The following PIDD1 variants were observed in gnomAD, a reference collection of about 807,000 sequenced individuals.
PIDD1 encodes p53-induced death domain protein 1, also known as p53-induced death domain-containing protein 1.
PIDD1 carries 72 observed loss-of-function variants against 80.0 expected under a neutral mutation model. That is an observed-to-expected ratio of 0.90 (90% CI 0.74 to 1.09). The LOEUF (loss-of-function observed/expected upper bound fraction) is 1.09. Ranked by LOEUF, PIDD1 falls within the 50% of genes least tolerant of loss-of-function variation. The pLI, the probability that PIDD1 is intolerant of heterozygous loss-of-function variation, is 0.00. For synonymous variants in PIDD1, 655 were observed against 543.5 expected (o/e 1.21, Z -2.85); for missense variants, 1,329 against 1,228.3 (o/e 1.08, Z -1.23).
At position 799,803 on chromosome 11, in the gene PIDD1, T is replaced by C. The variant is rs1188651842; in HGVS notation, c.2474+12A>G. On this transcript the variant is annotated intron_variant, in intron 15 of 15. Coordinates refer to ENST00000347755, the MANE Select transcript of PIDD1 (RefSeq NM_145886.4). ...CCTGGGGCTGGCAGCCAGCGGGCAG[T>C]GGGAGCCTCACCGGAACTCGTGCCG... 1 of 1,549,538 alleles carries C rather than the reference T, an allele frequency of 6.5e-7. No homozygotes were observed. The highest frequency in any genetic ancestry group is 8.7e-7 in the Non-Finnish European group (1 of 1,148,206).
intron 12 of PIDD1, 39 bp from the exon 13 acceptor site, chr11:800,490 G>A: frequency 3.1e-6 from 5 of 1,610,220 alleles, no homozygotes; most frequent in Non-Finnish European, 4.2e-6. Flanking sequence ...AGGGCTCGGG[G>A]AGGACGGTAA....
At chr11:805,448 CTGTTAGTCCGCGGGGTCGG>C (rs1187288590), upstream of PIDD1, among the ~76,000 whole-genome samples, 1 of 152,340 alleles carries the variant, frequency 6.6e-6, no homozygotes, top group Non-Finnish European at 1.5e-5. Context: ...GCTCGGCTTC[CTGTTAGTCCGCGGGGTCGG>C]AGCCGTACAG....
Position 801,103 on chromosome 11 carries a change from A to G in PIDD1, c.1648T>C (p.Ser550Pro), listed in dbSNP as rs1043857117. 6.4e-7 allele frequency: 1 copy of G among 1,571,882 alleles called. No homozygotes were observed. The highest frequency in any genetic ancestry group is 8.6e-7 in the Non-Finnish European group (1 of 1,156,730). The change falls in exon 10 of 16, where the codon TCC becomes CCC. Residue 550 changes from serine (S) to proline (P), a missense_variant. Coordinates refer to ENST00000347755, the MANE Select transcript of PIDD1 (RefSeq NM_145886.4). ...GCCCAGTACAACAGGTGCAGGCGGG[A>G]GCGGTCCAGACTGAGGCCTGGGGAT... ...SGITGLSLDRSRLHLLYWAPP... is the reference protein window; with the variant it reads ...SGITGLSLDRPRLHLLYWAPP...
chr11:802,464 G>C (rs777647178), intron 5 of PIDD1, 68 bp from the exon 6 acceptor site: 46 of 1,596,516 alleles, frequency 2.9e-5, no homozygotes, highest in Non-Finnish European at 3.9e-5. Context: ...CTGGACCCAG[G>C]AACTCTGGAG....
At chr11:803,016 C>A (rs773870824) in intron 3 of PIDD1, 125 bp from the exon 4 acceptor site, 7 of 1,029,874 alleles carry the variant, frequency 6.8e-6, no homozygotes, top group Non-Finnish European at 9.9e-6. Flanking sequence ...AGAACTCTGA[C>A]AAAGCCACTG....
chr11:806,645 T>C (rs1865785415), upstream of PIDD1, among the ~76,000 whole-genome samples: 1 of 151,690 alleles, frequency 6.6e-6, no homozygotes, highest in African/African-American at 2.4e-5. Flanking sequence ...TGCAGTGGCG[T>C]GATCTCGGCT....
chr11:800,188 G>GGCAGCC lies in PIDD1; in HGVS notation c.2211_2216dup (p.Ala738_Ala739dup). Reference sequence around the variant, plus strand: ...GGGCGTCTGCGCCCTTCCTCTGCCGGGCAGCCTCAGCCTCCTCGGGCACCC... The same window carrying GGCAGCC: ...GGGCGTCTGCGCCCTTCCTCTGCCGGGCAGCCGCAGCCTCAGCCTCCTCGGGCACCC... On this transcript the variant is annotated inframe_insertion, in exon 14 of 16. Coordinates refer to ENST00000347755, the MANE Select transcript of PIDD1 (RefSeq NM_145886.4). The GGCAGCC allele has an allele frequency of 6.2e-7, 1 of 1,610,930 alleles. No homozygotes were observed. Among genetic ancestry groups the GGCAGCC allele is most frequent in the East Asian group, 2.2e-5 (1 of 44,866 alleles).
chr11:802,024 TCCTGACCACCACTTCACGGCAGCGCCGGG>T lies in PIDD1; in HGVS notation c.1214_1242del (p.Ala405AspfsTer4). ...TCACCCCAGCTGTTGTCATTCCGGG[TCCTGACCACCACTTCACGGCAGCGCCGGG>T]CCTGCGGTGGGGTGAAGAGCAGCCA... On this transcript the variant is annotated frameshift_variant, in exon 7 of 16. Coordinates refer to ENST00000347755, the MANE Select transcript of PIDD1 (RefSeq NM_145886.4). LOFTEE classifies it high-confidence loss of function. The T allele has an allele frequency of 6.2e-7, 1 of 1,601,948 alleles. No homozygotes were observed.
In PIDD1 at chr11:799,942, C is replaced by T. The variant is rs768924293; in HGVS notation, c.2347G>A (p.Glu783Lys). Residue 783 changes from glutamate (E) to lysine (K), a missense_variant, in exon 15 of 16, where the codon GAG (glutamate) becomes AAG (lysine). Coordinates refer to ENST00000347755, the MANE Select transcript of PIDD1 (RefSeq NM_145886.4). ...TTGCTCTGCGTCAGAAAGCCGGTCT[C>T]GGCATCTCCCAGATTCAAGGGTGCC... ...SLAPLNLGDA[E>K]TGFLTQSNLL... 56 of 1,612,698 alleles carry T rather than the reference C, an allele frequency of 3.5e-5. No homozygotes were observed. Among genetic ancestry groups the T allele is most frequent in the South Asian group, 4.4e-5 (4 of 91,092 alleles).
At chr11:806,387 C>T (rs1865774361), upstream of PIDD1, among the ~76,000 whole-genome samples, 1 of 152,018 alleles carries the variant, frequency 6.6e-6, no homozygotes, top group Admixed American at 6.6e-5. Context: ...AGCTTCCTCG[C>T]CCAGGAGAGC....
Position 799,985 on chromosome 11 carries a change from C to T in PIDD1, c.2304G>A (p.Arg768=). The T allele has an allele frequency of 6.2e-7, 1 of 1,612,816 alleles. No homozygotes were observed. The highest frequency in any genetic ancestry group is 1.1e-5 in the South Asian group (1 of 91,086). Reference sequence around the variant, plus strand: ...AGGGTGCCAAGGAGAGGCCAGCCCCCCGCCGTGGCCCCTCGGACCCTCGAA... The same window carrying T: ...AGGGTGCCAAGGAGAGGCCAGCCCCTCGCCGTGGCCCCTCGGACCCTCGAA... The part of the protein sequence containing the change: ...PRLRGSEGPR[R]GAGLSLAPLN... Residue 768 remains arginine (R), a synonymous_variant, in exon 15 of 16, where the codon CGG becomes CGA. Transcript: ENST00000347755.
rs980987471 is a variant in PIDD1, at chr11:800,811, C to T, written c.1868G>A (p.Arg623Gln). The stretch of plus-strand genomic sequence containing the variant: ...CAGGACCTGCTCAGGGTCCCGGCGC[C>T]GCTGCAGAGCGATGAGGTTCACACG... Reference protein sequence around the residue: ...LHRVNLIALQRRRDPEQVLLQ... With the variant: ...LHRVNLIALQQRRDPEQVLLQ... Residue 623 changes from arginine (R) to glutamine (Q), a missense_variant, in exon 11 of 16, where the codon CGG (arginine) becomes CAG (glutamine). Physicochemically the swap from Arg to Gln is conservative, Grantham distance 43. Coordinates refer to ENST00000347755, the MANE Select transcript of PIDD1 (RefSeq NM_145886.4). 2.1e-5 allele frequency: 33 copies of T among 1,558,810 alleles called. No homozygotes were observed. Among genetic ancestry groups the T allele is most frequent in the Admixed American group, 7.7e-5 (4 of 51,852 alleles).
Position 803,500 on chromosome 11 carries a change from G to T in PIDD1, c.383C>A (p.Ala128Asp), listed in dbSNP as rs1865550551. The T allele has an allele frequency of 6.2e-7, 1 of 1,613,282 alleles. No individual in the cohort carries two copies. The highest frequency in any genetic ancestry group is 8.5e-7 in the Non-Finnish European group (1 of 1,179,966). The change falls in exon 3 of 16, where the codon GCC (alanine) becomes GAC (aspartate). Residue 128 changes from alanine (A) to aspartate (D), a missense_variant. Ala to Asp is a moderately radical substitution (Grantham distance 126, BLOSUM62 -2). Coordinates refer to ENST00000347755, the MANE Select transcript of PIDD1 (RefSeq NM_145886.4). ...GCTGTTGAAGCTCAGGTCCAGGTGG[G>T]CCAGATGGGCCAGGCCACTCAGACC... The part of the protein sequence containing the change: ...PAGLSGLAHL[A>D]HLDLSFNSLE...
At position 805,219 on chromosome 11, in the gene PIDD1, G is replaced by C. The variant is rs992636908; in HGVS notation, c.-116C>G. ...CGCGCAAAGGGTGGCTGCTCAGCGG[G>C]CGCTCGGCGCCTGGGATCCCGCCGG... On this transcript the variant is annotated 5_prime_UTR_variant, in exon 1 of 16. Coordinates refer to ENST00000347755, the MANE Select transcript of PIDD1 (RefSeq NM_145886.4). The C allele has an allele frequency of 1.0e-6, 1 of 983,428 alleles. No homozygotes were observed. The highest frequency in any genetic ancestry group is 1.7e-5 in the African/African-American group (1 of 57,212). The allele number at this position is 983,428 out of a possible 1,614,324, so 60.9% of individuals were successfully genotyped here.
intron 6 of PIDD1, 47 bp downstream of exon 6, chr11:802,147 CT>C: frequency 6.4e-7 from 1 of 1,562,636 alleles, no homozygotes; most frequent in Admixed American, 1.9e-5. Context: ...CACACTGCCC[CT>C]GCCATGCCCT....
At chr11:802,650 C>T in intron 4 of PIDD1, 32 bp downstream of exon 4, 1 of 1,605,964 alleles carries the variant, frequency 6.2e-7, no homozygotes, top group Non-Finnish European at 8.5e-7. Flanking sequence ...CATGTCCTAT[C>T]CCAGGTCTGC....
intron 10 of PIDD1, 25 bp from the exon 11 acceptor site, chr11:800,937 G>T: frequency 6.3e-7 from 1 of 1,595,736 alleles, no homozygotes; most frequent in Non-Finnish European, 8.5e-7. Flanking sequence ...GGTGAGGAGG[G>T]CTGTACAGAC....
In PIDD1 at chr11:802,445, T is replaced by A. The variant is rs751112520; in HGVS notation, c.975-49A>T. On this transcript the variant is annotated intron_variant, in intron 5 of 15. Transcript: ENST00000347755. ...CAGGTTAGACCCAGAAGGGCCTACG[T>A]GTTGGAGCCTGGACCCAGGAACTCT... 2.5e-6 allele frequency: 4 copies of A among 1,596,130 alleles called. No homozygotes were observed. The East Asian group carries it at 8.9e-5, about 36-fold the overall frequency.
At chr11:805,304 C>G, upstream of PIDD1, 1 of 755,588 alleles carries the variant, frequency 1.3e-6, no homozygotes, top group Non-Finnish European at 1.6e-6. Context: ...CCCCTCGGGA[C>G]GCGCCCCCTC....
Sources: gnomAD v4.1 joint callset for allele counts (sites outside exome capture counted in the v4.1 genomes callset) on GRCh38, gnomAD v4.1.1 for gene constraint, MANE v1.5 for transcripts, NCBI Gene and HGNC (gene_info 2026-07-23, HGNC 2026-07-21) for gene names.